The following SLC7A2 variants were observed in gnomAD, a reference collection of about 807,000 sequenced individuals.
SLC7A2 encodes solute carrier family 7 member 2.
Under a neutral mutation model 58.9 loss-of-function variants are expected in SLC7A2, and 48 were observed. The observed-to-expected ratio is 0.82, with a 90% confidence interval of 0.65 to 1.04. The LOEUF is 1.04. Ranked by LOEUF, SLC7A2 falls within the 50% of genes least tolerant of loss-of-function variation. The pLI, the probability that SLC7A2 is intolerant of heterozygous loss-of-function variation, is 0.00. For missense variants in SLC7A2, 1,029 were observed against 818.8 expected, an observed-to-expected ratio of 1.26 and a Z score of -3.13; for synonymous variants, 363 against 314.5, an observed-to-expected ratio of 1.15 and a Z score of -1.63.
chr8:17,518,243 A>G (rs1001092621), intron 2 of SLC7A2, among the ~76,000 whole-genome samples: 10 of 151,516 alleles, frequency 6.6e-5, no homozygotes, highest in African/African-American at 2.4e-4. Context: ...ACAACATCCA[A>G]AAGTAAAGGA....
At position 17,562,639 on chromosome 8, in the gene SLC7A2, C is replaced by T. The variant is rs544844674; in HGVS notation, c.1671+529C>T. On this transcript the variant is annotated intron_variant, in intron 11 of 12. Coordinates refer to ENST00000494857, the MANE Select transcript of SLC7A2 (RefSeq NM_001370338.1). ...AGTGAATGAGAGTGTCAGAATCCTTCGATATGTTCCTTTTTGTACAGAATT... is the reference window on the plus strand; with the variant it reads ...AGTGAATGAGAGTGTCAGAATCCTTTGATATGTTCCTTTTTGTACAGAATT... Among the ~76,000 whole-genome samples the T allele has an allele frequency of 4.0e-3, 604 of 152,192 alleles. 6 individuals are homozygous for T. Among genetic ancestry groups the T allele is most frequent in the African/African-American group, 0.014 (582 of 41,528 alleles).
At chr8:17,548,939 A>C in intron 5 of SLC7A2, 96 bp downstream of exon 5, 2 of 987,812 alleles carry the variant, frequency 2.0e-6, no homozygotes, top group Non-Finnish European at 3.0e-6. Flanking sequence ...ATAAAGACAT[A>C]CCCATGACTG....
At chr8:17,522,871 A>G (rs1216899697) in intron 2 of SLC7A2, among the ~76,000 whole-genome samples, 1 of 152,006 alleles carries the variant, frequency 6.6e-6, no homozygotes, top group African/African-American at 2.4e-5. Flanking sequence ...CCCTACCTCT[A>G]TAAAAAAATA....
rs200130071 is a variant in SLC7A2 at position 17,562,180 on chromosome 8, ATTTTTTTTT to A, written c.1671+97_1671+105del. ...TCTCTGTATAATTAGTTTGGTAAGT[ATTTTTTTTT>A]TTTTTTTTTTTTTTTTTTTTTTTTT... On this transcript the variant is annotated intron_variant, in intron 11 of 12. Transcript: ENST00000494857. 3,441 of 592,186 alleles carry A rather than the reference ATTTTTTTTT, an allele frequency of 5.8e-3. 4 individuals are homozygous for A. The highest frequency in any genetic ancestry group is 0.014 in the African/African-American group (372 of 26,992). 36.7% of individuals were successfully genotyped at this position (592,186 alleles called of 1,614,324 possible). A position where few individuals can be genotyped will look rare whatever the true frequency, so the allele number is the denominator to read the frequency against.
chr8:17,511,013 C>G (rs1329141879), intron 2 of SLC7A2: 1 of 151,986 alleles, frequency 6.6e-6, no homozygotes, highest in Non-Finnish European at 1.5e-5. Flanking sequence ...GAAAACCAAA[C>G]AGGACATGTT....
chr8:17,522,340 C>G (rs1801048145), intron 2 of SLC7A2, among the ~76,000 whole-genome samples: 1 of 152,068 alleles, frequency 6.6e-6, no homozygotes, highest in Non-Finnish European at 1.5e-5. Flanking sequence ...CTAGGTCCCT[C>G]CCACAACACA....
intron 2 of SLC7A2, among the ~76,000 whole-genome samples, chr8:17,504,456 G>A (rs1585178504): frequency 1.3e-5 from 2 of 152,264 alleles, no homozygotes; most frequent in South Asian, 2.1e-4. Flanking sequence ...TCTAATTGGC[G>A]GAGCCCATAC....
chr8:17,529,566 T>A (rs1801356952), intron 2 of SLC7A2, among the ~76,000 whole-genome samples: 1 of 151,192 alleles, frequency 6.6e-6, no homozygotes, highest in Non-Finnish European at 1.5e-5. Context: ...AGTCTTGCTC[T>A]GTCACCCAGG....
chr8:17,515,018 G>A (rs1800747140), intron 2 of SLC7A2, among the ~76,000 whole-genome samples: 1 of 152,170 alleles, frequency 6.6e-6, no homozygotes, highest in Non-Finnish European at 1.5e-5. Context: ...TAAAGGCAGT[G>A]CCTACTATGC....
chr8:17,520,497 C>T (rs573173531), intron 2 of SLC7A2, among the ~76,000 whole-genome samples: 2 of 151,442 alleles, frequency 1.3e-5, no homozygotes, highest in East Asian at 2.0e-4. Context: ...AAAAATTAGC[C>T]GAGTGTGGTG....
intron 7 of SLC7A2, among the ~76,000 whole-genome samples, chr8:17,553,838 A>G (rs186154312): frequency 4.3e-4 from 66 of 152,302 alleles, no homozygotes; most frequent in African/African-American, 1.4e-3. Flanking sequence ...TTTCTCTTAC[A>G]TGGTTATTTT....
At chr8:17,521,394 T>G (rs758646852) in intron 2 of SLC7A2, among the ~76,000 whole-genome samples, 13 of 152,206 alleles carry the variant, frequency 8.5e-5, no homozygotes, top group Non-Finnish European at 7.3e-5. Context: ...CAGATGAATT[T>G]GGCAGGATTC....
At chr8:17,558,194 A>G (rs1802798030) in intron 8 of SLC7A2, 101 bp from the exon 9 acceptor site, 4 of 726,192 alleles carry the variant, frequency 5.5e-6, no homozygotes, top group Non-Finnish European at 1.0e-5. Context: ...CCTTGGTACT[A>G]AAACGAAGTG....
At chr8:17,550,972 T>C (rs1029834513) in intron 6 of SLC7A2, among the ~76,000 whole-genome samples, 1 of 152,232 alleles carries the variant, frequency 6.6e-6, no homozygotes, top group African/African-American at 2.4e-5. Context: ...GTCTCATTAG[T>C]GTACAAAGTA....
chr8:17,536,872 T>C (rs1198100050), intron 2 of SLC7A2, among the ~76,000 whole-genome samples: 2 of 152,114 alleles, frequency 1.3e-5, no homozygotes, highest in East Asian at 3.9e-4. Flanking sequence ...CCACTCTAAA[T>C]AGCTGAAGTG....
intron 8 of SLC7A2, chr8:17,555,192 A>G (rs1013459393): frequency 1.1e-6 from 1 of 944,206 alleles, no homozygotes; most frequent in African/African-American, 1.7e-5. Context: ...AAAAAAAACA[A>G]AATCACTGAT....
At chr8:17,544,025 T>C (rs751453586) in intron 3 of SLC7A2, among the ~76,000 whole-genome samples, 95 of 152,248 alleles carry the variant, frequency 6.2e-4, no homozygotes, top group South Asian at 4.1e-3. Context: ...CCTGCCACCA[T>C]GCCTGGCTAA....
At position 17,567,881 on chromosome 8, in the gene SLC7A2, G is replaced by A. The variant is rs1803337401; in HGVS notation, c.*2735G>A. The A allele has an allele frequency of 6.6e-6, 1 of 152,130 alleles. No individual in the cohort carries two copies. The highest frequency in any genetic ancestry group is 2.4e-5 in the African/African-American group (1 of 41,432). The allele number at this position is 152,130 out of a possible 1,614,324, so 9.4% of individuals were successfully genotyped here. ...GAATGGAGAAGAGGTAGGGGCATTTGGGGATTCCTGTTTACTTGCTGCTGC... is the reference window on the plus strand; with the variant it reads ...GAATGGAGAAGAGGTAGGGGCATTTAGGGATTCCTGTTTACTTGCTGCTGC... On this transcript the variant is annotated 3_prime_UTR_variant, in exon 13 of 13. Coordinates refer to ENST00000494857, the MANE Select transcript of SLC7A2 (RefSeq NM_001370338.1).
Position 17,530,105 on chromosome 8 carries a change from A to G in SLC7A2, c.-22-13213A>G, listed in dbSNP as rs117350967. ...GGAGGTTCTCATTTTTCAGGCTGCT[A>G]GCTTTTCCCTGCCTCCTACCCCGTG... On this transcript the variant is annotated intron_variant, in intron 2 of 12. Transcript: ENST00000494857. Among the ~76,000 whole-genome samples the G allele has an allele frequency of 9.0e-3, 1,364 of 152,122 alleles. 62 individuals carry two copies. In the East Asian group the frequency reaches 0.13, roughly 14 times the overall value.
Sources: allele counts gnomAD v4.1 joint callset (sites outside exome capture counted in the v4.1 genomes callset), GRCh38; gene constraint gnomAD v4.1.1; transcripts MANE v1.5; gene names NCBI Gene and HGNC (gene_info 2026-07-23, HGNC 2026-07-21).